Variants in PCDHA8 observed in about 807,000 individuals in gnomAD.
The protein encoded by PCDHA8 is protocadherin alpha-8.
Under a neutral mutation model 61.8 loss-of-function variants are expected in PCDHA8, and 53 were observed. The observed-to-expected ratio is 0.86, with a 90% CI of 0.69 to 1.08. PCDHA8 has a LOEUF of 1.08. Ranked by LOEUF, PCDHA8 falls within the 50% of genes least tolerant of loss-of-function variation. PCDHA8 has a pLI of 0.00. For missense variants in PCDHA8, 1,293 were observed against 1,245.0 expected (o/e 1.04, Z -0.58); for synonymous variants, 618 against 556.6 (o/e 1.11, Z -1.55).
chr5:140,920,282 T>C (rs1554199556), intron 1 of PCDHA8, among the ~76,000 whole-genome samples: 1 of 152,218 alleles, frequency 6.6e-6, no homozygotes, highest in African/African-American at 2.4e-5. Context: ...TAATCTTATA[T>C]TTTTTAGAGG....
At position 140,843,837 on chromosome 5, in the gene PCDHA8, T is replaced by C. The variant is rs1433979959; in HGVS notation, c.2394+122T>C. ...GTGAAAATTTAAACATTGTTTAGTT[T>C]TTAGAAACCTTTTATAATTAATTGA... On this transcript the variant is annotated intron_variant, in intron 1 of 3. Coordinates refer to ENST00000531613, the MANE Select transcript of PCDHA8 (RefSeq NM_018911.3). The C allele has an allele frequency of 3.8e-5, 40 of 1,048,116 alleles. 5 individuals are homozygous for C. The Admixed American group carries it at 1.1e-3, about 28-fold the overall frequency. 64.9% of individuals were successfully genotyped at this position (1,048,116 alleles called of 1,614,324 possible). A position where few individuals can be genotyped will look rare whatever the true frequency, so the allele number is the denominator to read the frequency against.
At chr5:140,882,832 A>T (rs781961557) in intron 1 of PCDHA8, 1 of 1,614,216 alleles carries the variant, frequency 6.2e-7, no homozygotes, top group Non-Finnish European at 8.5e-7. Flanking sequence ...GTCTTGAGCA[A>T]ATGTCTTCAT....
intron 1 of PCDHA8, among the ~76,000 whole-genome samples, chr5:140,972,741 G>T (rs1453484254): frequency 6.9e-6 from 1 of 145,350 alleles, no homozygotes; most frequent in Non-Finnish European, 1.5e-5. Context: ...CCGGCTCACT[G>T]CAACCTCCGC....
At chr5:140,867,383 G>T in intron 1 of PCDHA8, 1 of 152,136 alleles carries the variant, frequency 6.6e-6, no homozygotes, top group East Asian at 1.9e-4. Flanking sequence ...TGGAATTAAC[G>T]GTTATAAAAG....
In PCDHA8 at chr5:141,011,249, G is replaced by A. The variant is rs1159894108; in HGVS notation, c.*1312G>A. The A allele has an allele frequency of 6.5e-6, 1 of 153,682 alleles. No homozygotes were observed. The highest frequency in any genetic ancestry group is 1.5e-5 in the Non-Finnish European group (1 of 68,038). The allele number at this position is 153,682 out of a possible 1,614,324, so 9.5% of individuals were successfully genotyped here. On this transcript the variant is annotated 3_prime_UTR_variant, in exon 4 of 4. Coordinates refer to ENST00000531613, the MANE Select transcript of PCDHA8 (RefSeq NM_018911.3). ...TACTAATTCTGTGACTTGTCTTGGT[G>A]TGCTAGCCTACACCTTCTCTTTGGT... is the stretch of plus-strand genomic sequence containing the variant.
intron 1 of PCDHA8, chr5:140,969,096 A>T: frequency 6.2e-7 from 1 of 1,614,162 alleles, no homozygotes; most frequent in Non-Finnish European, 8.5e-7. Flanking sequence ...GTGCAGCCTC[A>T]CTTCATTGAA....
intron 1 of PCDHA8, among the ~76,000 whole-genome samples, chr5:140,915,155 G>T (rs941034401): frequency 1.3e-5 from 2 of 151,934 alleles, no homozygotes; most frequent in Non-Finnish European, 2.9e-5. Flanking sequence ...CACCATGTTG[G>T]CCAGGATAGT....
chr5:140,915,306 A>G (rs999638953), intron 1 of PCDHA8, among the ~76,000 whole-genome samples: 1 of 152,136 alleles, frequency 6.6e-6, no homozygotes, highest in Non-Finnish European at 1.5e-5. Context: ...ATAAGTTTAC[A>G]TACCACAATT....
intron 1 of PCDHA8, among the ~76,000 whole-genome samples, chr5:140,844,191 G>A (rs1554140562): frequency 6.7e-6 from 1 of 149,410 alleles, no homozygotes; most frequent in South Asian, 2.1e-4. Flanking sequence ...CATCTTATCT[G>A]ACTTTTTAGT....
At chr5:140,982,816 G>A (rs970352633) in intron 3 of PCDHA8, among the ~76,000 whole-genome samples, 9 of 151,630 alleles carry the variant, frequency 5.9e-5, no homozygotes, top group Non-Finnish European at 1.0e-4. Flanking sequence ...TGTGTATGAA[G>A]TTTTTGGGGT....
At chr5:140,891,838 A>G (rs1479578181) in intron 1 of PCDHA8, among the ~76,000 whole-genome samples, 1 of 152,164 alleles carries the variant, frequency 6.6e-6, no homozygotes, top group African/African-American at 2.4e-5. Context: ...AAAGGACTTG[A>G]TGGAAGGAGC....
intron 1 of PCDHA8, among the ~76,000 whole-genome samples, chr5:140,892,628 T>C (rs1554185308): frequency 6.6e-6 from 1 of 152,166 alleles, no homozygotes; most frequent in African/African-American, 2.4e-5. Flanking sequence ...TGGTACATAA[T>C]AATTGTACAT....
At chr5:140,861,509 G>A (rs2046952597) in intron 1 of PCDHA8, 1 of 479,912 alleles carries the variant, frequency 2.1e-6, no homozygotes, top group Non-Finnish European at 4.3e-6. Context: ...ACCTCGAGGA[G>A]CTGTGTGGGA....
chr5:141,000,422 T>TATATA (rs1491457105), intron 3 of PCDHA8, among the ~76,000 whole-genome samples: 1 of 51,852 alleles, frequency 1.9e-5, no homozygotes, highest in Non-Finnish European at 3.5e-5. Flanking sequence ...TATATATATA[T>TATATA]TTTTTTTTTT....
At chr5:141,007,991 A>G (rs1276879326) in intron 3 of PCDHA8, among the ~76,000 whole-genome samples, 1 of 152,234 alleles carries the variant, frequency 6.6e-6, no homozygotes, top group Non-Finnish European at 1.5e-5. Context: ...TATGAAATGT[A>G]CATGTTAATA....
chr5:140,966,205 CT>C, intron 1 of PCDHA8: 1 of 226,680 alleles, frequency 4.4e-6, no homozygotes. Flanking sequence ...GGCTTGACTG[CT>C]TTTCCCAGAC....
rs1554138466 is a variant in PCDHA8 at position 140,841,702 on chromosome 5, T to G, written c.381T>G (p.Asn127Lys). The part of the protein sequence containing the change: ...FHVDVEVKDV[N>K]DNPPVFRVKD... ...TGGACGTGGAGGTGAAGGATGTTAATGACAACCCGCCAGTGTTCCGGGTAA... is the reference window on the plus strand; with the variant it reads ...TGGACGTGGAGGTGAAGGATGTTAAGGACAACCCGCCAGTGTTCCGGGTAA... Residue 127 changes from asparagine to lysine, a missense_variant, in exon 1 of 4, where the codon AAT becomes AAG. Physicochemically the swap from Asn to Lys is moderately conservative, Grantham distance 94 (BLOSUM62 0). Transcript: ENST00000531613. 1 of 1,613,896 alleles carries G rather than the reference T, an allele frequency of 6.2e-7. No individual in the cohort carries two copies. The highest frequency in any genetic ancestry group is 8.5e-7 in the Non-Finnish European group (1 of 1,179,874).
chr5:140,876,761 G>C (rs1554168887), intron 1 of PCDHA8: 2 of 1,614,238 alleles, frequency 1.2e-6, no homozygotes, highest in East Asian at 2.2e-5. Context: ...GCGCGGGATG[G>C]GGGCTCGCCT....
In PCDHA8 at chr5:140,858,056, G is replaced by A; in HGVS notation, c.2394+14341G>A. ...GGCCACTGTGCTTGTGTCGCTTGTG[G>A]AGGGCAGCCAGGCACCCAAGGCCTC... is the stretch of plus-strand genomic sequence containing the variant. On this transcript the variant is annotated intron_variant, in intron 1 of 3. Transcript: ENST00000531613. 1.9e-6 allele frequency: 3 copies of A among 1,597,644 alleles called. 1 individual carries two copies. The highest frequency in any genetic ancestry group is 2.6e-6 in the Non-Finnish European group (3 of 1,167,552).
Sources: gnomAD v4.1 joint callset for allele counts (sites outside exome capture counted in the v4.1 genomes callset) on GRCh38, gnomAD v4.1.1 for gene constraint, MANE v1.5 for transcripts, NCBI Gene and HGNC (gene_info 2026-07-23, HGNC 2026-07-21) for gene names.